The following BCOR variants were observed in gnomAD, a reference collection of about 807,000 sequenced individuals.
BCOR encodes the protein BCL6 corepressor.
BCOR carries 10 observed loss-of-function variants against 86.7 expected under a neutral mutation model. The ratio of observed to expected loss-of-function variants is 0.12; its 90% CI spans 0.07 to 0.20. BCOR has a LOEUF of 0.20. Ranked by LOEUF, BCOR falls within the 10% of genes least tolerant of loss-of-function variation. The pLI, the probability that BCOR is intolerant of heterozygous loss-of-function variation, is 1.00. For synonymous variants in BCOR, 611 were observed against 609.0 expected, an observed-to-expected ratio of 1.00 and a Z score of -0.05; for missense variants, 1,259 against 1,452.1, an observed-to-expected ratio of 0.87 and a Z score of 2.16.
At chrX:40,157,247 A>AAGGCCCTCCAGACTCC (rs375139698) in intron 1 of BCOR, among the ~76,000 whole-genome samples, 1 of 112,155 alleles carries the variant, frequency 8.9e-6, no homozygotes, top group Non-Finnish European at 1.9e-5. Context: ...GGGGAGCAGG[A>AAGGCCCTCCAGACTCC]AGGCCCTCCA....
chrX:40,085,050 GT>G (rs1460334869), intron 1 of BCOR, among the ~76,000 whole-genome samples: 1 of 111,998 alleles, frequency 8.9e-6, no homozygotes, highest in Non-Finnish European at 1.9e-5. Context: ...TTTTGTAGCT[GT>G]TCAGGGCTTA....
chrX:40,113,876 C>G (rs1031238653), intron 1 of BCOR, among the ~76,000 whole-genome samples: 2 of 109,543 alleles, frequency 1.8e-5, no homozygotes, highest in Admixed American at 2.0e-4. Flanking sequence ...TGGAATGCAG[C>G]AGCACGATCT....
At chrX:40,149,210 G>A (rs1035542055) in intron 1 of BCOR, among the ~76,000 whole-genome samples, 12 of 110,441 alleles carry the variant, frequency 1.1e-4, no homozygotes, top group Non-Finnish European at 2.3e-4. Context: ...CCCCAGCCTC[G>A]GCTGCAGGAT....
At chrX:40,130,033 A>G (rs930250156) in intron 1 of BCOR, among the ~76,000 whole-genome samples, 3 of 110,840 alleles carry the variant, frequency 2.7e-5, no homozygotes, top group Non-Finnish European at 5.7e-5. Context: ...AAAAAGAAAA[A>G]AAAGAAGAAG....
chrX:40,135,295 C>A (rs1468452839), intron 1 of BCOR, among the ~76,000 whole-genome samples: 3 of 111,388 alleles, frequency 2.7e-5, no homozygotes, highest in Admixed American at 9.5e-5. Context: ...GGTCTGGGGT[C>A]TCCTCTGAGC....
chrX:40,063,614 C>A lies in BCOR; in HGVS notation c.3841G>T (p.Glu1281Ter). ...AGGGGTGGCCCCCGCATACCTTGTT[C>A]ATTGTCACTGGGTTTAAGAGACTCT... is the stretch of plus-strand genomic sequence containing the variant. The part of the protein sequence containing the change: ...SEESLKPSDN[E>*]QGLPVFSGSP... Residue 1281 changes from glutamate to a stop codon, truncating the protein, a stop_gained, in exon 8 of 15, where the codon GAA (glutamate) becomes TAA (stop). Coordinates refer to ENST00000378444, the MANE Select transcript of BCOR (RefSeq NM_001123385.2). LOFTEE classifies it high-confidence loss of function. 8.3e-7 allele frequency: 1 copy of A among 1,210,158 alleles called. No homozygotes were observed. Among genetic ancestry groups the A allele is most frequent in the South Asian group, 1.8e-5 (1 of 56,916 alleles).
intron 1 of BCOR, among the ~76,000 whole-genome samples, chrX:40,095,502 G>A (rs758101385): frequency 1.8e-5 from 2 of 110,047 alleles, no homozygotes; most frequent in African/African-American, 6.6e-5. Flanking sequence ...TTTACTCCCA[G>A]GCCATTTTAA....
chrX:40,064,830 T>C (rs775273714), intron 6 of BCOR, among the ~76,000 whole-genome samples: 4 of 111,646 alleles, frequency 3.6e-5, no homozygotes, highest in Non-Finnish European at 7.5e-5. Flanking sequence ...GAGGTGCATG[T>C]CACACTCCTG....
At position 40,072,907 on chromosome X, in the gene BCOR, T is replaced by C. The variant is rs1371921205; in HGVS notation, c.2439A>G (p.Pro813=). The C allele has an allele frequency of 8.3e-7, 1 of 1,211,556 alleles. No homozygotes were observed. Among genetic ancestry groups the C allele is most frequent in the Non-Finnish European group, 1.1e-6 (1 of 895,470 alleles). ...ACACGTTTGTGTCAGTTTTAGCATC[T>C]GGTTCTTCTCGGAGAAGGTCTACGT... ...LVYVDLLREE[P]DAKTDTNVSK... is the part of the protein sequence containing the mutation. The change falls in exon 4 of 15, where the codon CCA becomes CCG. Residue 813 remains proline (P), a synonymous_variant. Coordinates refer to ENST00000378444, the MANE Select transcript of BCOR (RefSeq NM_001123385.2).
intron 1 of BCOR, among the ~76,000 whole-genome samples, chrX:40,107,105 G>C (rs988215723): frequency 8.9e-6 from 1 of 112,642 alleles, no homozygotes; most frequent in Non-Finnish European, 1.9e-5. Context: ...GGAGGGAAGA[G>C]AAAGTGTTTC....
intron 6 of BCOR, among the ~76,000 whole-genome samples, chrX:40,069,461 C>G (rs1433438155): frequency 1.8e-5 from 2 of 112,129 alleles, no homozygotes; most frequent in South Asian, 7.4e-4. Flanking sequence ...TTGGCCACAC[C>G]GAGTTACTCA....
intron 1 of BCOR, among the ~76,000 whole-genome samples, chrX:40,160,005 A>C (rs1033009809): frequency 5.3e-5 from 6 of 112,994 alleles, no homozygotes; most frequent in African/African-American, 1.9e-4. Context: ...CTGGATATGA[A>C]TTTAGTAAGG....
At position 40,062,172 on chromosome X, in the gene BCOR, G is replaced by A. The variant is rs2147000032; in HGVS notation, c.4395C>T (p.Thr1465=). Residue 1465 remains threonine (T), a synonymous_variant, in exon 10 of 15, where the codon ACC becomes ACT. Coordinates refer to ENST00000378444, the MANE Select transcript of BCOR (RefSeq NM_001123385.2). ...CAAGCCTGGCTGCCCGCTGCAGAAG[G>A]GTCTCGCCAGCGTTCTTATTGACAA... ...RLIVNKNAGE[T]LLQRAARLGY... The A allele has an allele frequency of 8.3e-7, 1 of 1,204,476 alleles. No individual in the cohort carries two copies. The highest frequency in any genetic ancestry group is 1.1e-6 in the Non-Finnish European group (1 of 891,991).
At chrX:40,081,357 G>C (rs1282413268) in intron 1 of BCOR, among the ~76,000 whole-genome samples, 2 of 112,047 alleles carry the variant, frequency 1.8e-5, no homozygotes, top group African/African-American at 3.2e-5. Context: ...GGGGACACTG[G>C]GGTAAGAAAC....
At chrX:40,071,202 T>G in intron 5 of BCOR, 43 bp from the exon 6 acceptor site, 1 of 1,117,072 alleles carries the variant, frequency 9.0e-7, no homozygotes, top group Non-Finnish European at 1.2e-6. Context: ...AACAACACCT[T>G]ACCATAAAAG....
At chrX:40,139,485 ATATATATATATATTT>A (rs1301052636) in intron 1 of BCOR, among the ~76,000 whole-genome samples, 2 of 14,083 alleles carry the variant, frequency 1.4e-4, no homozygotes, top group Non-Finnish European at 2.0e-4. Context: ...ATATATATAT[ATATATATATATATTT>A]TTTTTTTTTT....
chrX:40,063,573 G>A, intron 8 of BCOR, 35 bp downstream of exon 8: 1 of 1,135,514 alleles, frequency 8.8e-7, no homozygotes, highest in Non-Finnish European at 1.2e-6. Context: ...CCCTCCAGGA[G>A]CGGGGTGAAC....
rs192047426 is a variant in BCOR, at chrX:40,061,640, C to G, written c.4428+499G>C. Among the ~76,000 whole-genome samples the G allele has an allele frequency of 1.8e-4, 19 of 103,026 alleles. No homozygotes were observed. The East Asian group carries it at 2.2e-3, about 12-fold the overall frequency. The allele number at this position is 103,026 out of a possible 115,157, so 89.5% of individuals were successfully genotyped here. A position where few individuals can be genotyped will look rare whatever the true frequency, so the allele number is the denominator to read the frequency against. On this transcript the variant is annotated intron_variant, in intron 10 of 14. Coordinates refer to ENST00000378444, the MANE Select transcript of BCOR (RefSeq NM_001123385.2). ...CAGCCCTAAGGCTACTGTACCCCCC[C>G]ACTCAGAAAGAGACCTTAGGTCTGC...
chrX:40,158,423 G>T (rs1938345222), intron 1 of BCOR, among the ~76,000 whole-genome samples: 1 of 112,310 alleles, frequency 8.9e-6, no homozygotes, highest in South Asian at 3.5e-4. Context: ...GGCGTTCCCG[G>T]GCTGCCGGGG....
Sources: gnomAD v4.1 joint callset for allele counts (sites outside exome capture counted in the v4.1 genomes callset) on GRCh38, gnomAD v4.1.1 for gene constraint, MANE v1.5 for transcripts, NCBI Gene and HGNC (gene_info 2026-07-23, HGNC 2026-07-21) for gene names.